Variants in POTEE observed in about 807,000 individuals in gnomAD.
The protein encoded by POTEE is POTE ankyrin domain family member E, also known as ANKRD26-like family C member 1A.
In POTEE, 21 loss-of-function variants were observed where a neutral mutation model predicts 74.2. The ratio of observed to expected loss-of-function variants is 0.28; its 90% CI spans 0.20 to 0.41. POTEE has a LOEUF of 0.41. Ranked by LOEUF, POTEE falls within the 10% of genes least tolerant of loss-of-function variation. The pLI, the probability that POTEE is intolerant of heterozygous loss-of-function variation, is 1.00. For missense variants in POTEE, 525 were observed against 1,158.6 expected, an observed-to-expected ratio of 0.45 and a Z score of 7.94; for synonymous variants, 211 against 432.8, an observed-to-expected ratio of 0.49 and a Z score of 6.36.
At chr2:131,219,901 CA>C (rs1212957981) in intron 4 of POTEE, among the ~76,000 whole-genome samples, 1 of 151,986 alleles carries the variant, frequency 6.6e-6, no homozygotes, top group East Asian at 1.9e-4. Flanking sequence ...TTCCAGATAT[CA>C]AAATGTGCAT....
intron 17 of POTEE, among the ~76,000 whole-genome samples, chr2:131,263,095 TTAAA>T (rs1427232200): frequency 1.3e-5 from 2 of 150,906 alleles, no homozygotes; most frequent in Non-Finnish European, 3.0e-5. Context: ...TTCATCGTCT[TTAAA>T]TAAATATTTA....
At chr2:131,210,948 C>T (rs1254775166) in intron 1 of POTEE, among the ~76,000 whole-genome samples, 80 bp from the exon 2 acceptor site, 2 of 151,288 alleles carry the variant, frequency 1.3e-5, no homozygotes, top group Non-Finnish European at 2.9e-5. Context: ...AGTGCCTTAG[C>T]TGAAGCTGGT....
At chr2:131,221,095 G>A (rs1396626932) in intron 4 of POTEE, among the ~76,000 whole-genome samples, 1 of 152,082 alleles carries the variant, frequency 6.6e-6, no homozygotes, top group East Asian at 1.9e-4. Flanking sequence ...AAACACTTTA[G>A]TGGTAAGAAC....
intron 4 of POTEE, among the ~76,000 whole-genome samples, chr2:131,221,866 T>C (rs1050656832): frequency 2.0e-5 from 3 of 152,264 alleles, no homozygotes; most frequent in Admixed American, 6.5e-5. Flanking sequence ...TTGAAAATAC[T>C]GAACTCCCAA....
intron 9 of POTEE, among the ~76,000 whole-genome samples, chr2:131,236,477 G>C (rs1282640922): frequency 6.6e-6 from 1 of 151,214 alleles, no homozygotes; most frequent in African/African-American, 2.5e-5. Flanking sequence ...TGCTTCTACT[G>C]TATTTTAAAG....
At chr2:131,226,548 C>G (rs1331440369) in intron 6 of POTEE, among the ~76,000 whole-genome samples, 4 of 145,362 alleles carry the variant, frequency 2.8e-5, no homozygotes. Context: ...AACACCATGC[C>G]AAATGCTGGT....
intron 16 of POTEE, among the ~76,000 whole-genome samples, chr2:131,260,691 C>T (rs1171127957): frequency 7.3e-6 from 1 of 137,246 alleles, no homozygotes; most frequent in Non-Finnish European, 1.5e-5. Context: ...TTACTGAATT[C>T]ATGTATCAAA....
chr2:131,215,234 T>C (rs1700423806), intron 2 of POTEE, among the ~76,000 whole-genome samples: 2 of 152,314 alleles, frequency 1.3e-5, no homozygotes, highest in African/African-American at 2.4e-5. Flanking sequence ...ATAATAGATA[T>C]GTTTTTGATT....
intron 9 of POTEE, among the ~76,000 whole-genome samples, chr2:131,231,383 G>T (rs1700950949): frequency 6.6e-6 from 1 of 151,790 alleles, no homozygotes; most frequent in Non-Finnish European, 1.5e-5. Context: ...CTTGCCTGCT[G>T]CTCACCTCCT....
chr2:131,212,222 A>G (rs1350242783), intron 2 of POTEE, among the ~76,000 whole-genome samples: 3 of 152,060 alleles, frequency 2.0e-5, no homozygotes, highest in Non-Finnish European at 4.4e-5. Context: ...CTATGCTTTC[A>G]TGATTGTGTT....
At chr2:131,257,234 T>C (rs1701604812) in intron 16 of POTEE, among the ~76,000 whole-genome samples, 1 of 55,854 alleles carries the variant, frequency 1.8e-5, no homozygotes, top group African/African-American at 7.6e-5. Context: ...ATAGGGTTTT[T>C]ATTGTTCATT....
Position 131,224,033 on chromosome 2 carries a change from C to G in POTEE, c.800C>G (p.Ser267Ter). 1.4e-6 allele frequency: 2 copies of G among 1,398,696 alleles called. No individual in the cohort carries two copies. The highest frequency in any genetic ancestry group is 1.9e-6 in the Non-Finnish European group (2 of 1,044,618). 86.6% of individuals were successfully genotyped at this position (1,398,696 alleles called of 1,614,324 possible). The change falls in exon 6 of 18, where the codon TCA becomes TGA. Residue 267 changes from serine to a stop codon, truncating the protein, a stop_gained. Coordinates refer to ENST00000683005, the MANE Select transcript of POTEE (RefSeq NM_001083538.3). LOFTEE classifies it high-confidence loss of function. The part of the protein sequence containing the change: ...ALLLYGADIE[S>*]KNKHGLTPLL... ...CTCTTATATGGTGCTGATATCGAAT[C>G]AAAAAACAAGGTATAGATCTACCAA...
chr2:131,214,589 A>G (rs1700414781), intron 2 of POTEE, among the ~76,000 whole-genome samples: 2 of 152,062 alleles, frequency 1.3e-5, no homozygotes, highest in Admixed American at 6.5e-5. Flanking sequence ...CTTAAAAGAA[A>G]ATGAAAGCTC....
chr2:131,227,037 G>C (rs1196337175), intron 7 of POTEE, 108 bp downstream of exon 7: 1 of 1,421,674 alleles, frequency 7.0e-7, no homozygotes, highest in African/African-American at 1.5e-5. Flanking sequence ...GTAGTGATCA[G>C]TATCAACACA....
At chr2:131,232,920 A>G (rs1336490769) in intron 9 of POTEE, among the ~76,000 whole-genome samples, 2 of 151,922 alleles carry the variant, frequency 1.3e-5, no homozygotes, top group African/African-American at 4.8e-5. Flanking sequence ...GCTTCCTGTA[A>G]CATTTCACTG....
chr2:131,211,841 C>T (rs1271593304), intron 2 of POTEE, among the ~76,000 whole-genome samples: 1 of 149,778 alleles, frequency 6.7e-6, no homozygotes, highest in African/African-American at 2.5e-5. Flanking sequence ...TAGGCGTGAG[C>T]CACCACTCCC....
rs916070170 is a variant in POTEE, at chr2:131,217,604, T to A, written c.-173T>A. Among the ~76,000 whole-genome samples, 1 of 147,630 alleles carries A rather than the reference T, an allele frequency of 6.8e-6. No homozygotes were observed. Among genetic ancestry groups the A allele is most frequent in the African/African-American group, 2.5e-5 (1 of 40,032 alleles). On this transcript the variant is annotated 5_prime_UTR_variant, in exon 3 of 18. In the 5' UTR this introduces an upstream ATG that the reference lacks. Transcript: ENST00000683005. ...TTTTCACCAGAGGCTTCTCAGTGGC[T>A]TGAAAGCTCAGCTGACTCCCACGAA...
chr2:131,231,387 ACCT>A (rs1700951150), intron 9 of POTEE, among the ~76,000 whole-genome samples: 1 of 151,556 alleles, frequency 6.6e-6, no homozygotes, highest in Non-Finnish European at 1.5e-5. Flanking sequence ...CCTGCTGCTC[ACCT>A]CCTCCTGTGT....
At position 131,218,756 on chromosome 2, in the gene POTEE, C is replaced by A; in HGVS notation, c.354C>A (p.Gly118=). The A allele has an allele frequency of 6.2e-7, 1 of 1,612,894 alleles. No homozygotes were observed. The highest frequency in any genetic ancestry group is 2.2e-5 in the East Asian group (1 of 44,852). ...GGGGGAGCGGCAAGAGCAAGGTGGG[C>A]GCTTGGGGAGACTACGATGACAGCG... is the stretch of plus-strand genomic sequence containing the variant. ...CCRGSGKSKV[G]AWGDYDDSAF... is the part of the protein sequence containing the mutation. The change falls in exon 4 of 18, where the codon GGC becomes GGA. Residue 118 remains glycine, a synonymous_variant. Coordinates refer to ENST00000683005, the MANE Select transcript of POTEE (RefSeq NM_001083538.3).
Sources: allele counts gnomAD v4.1 joint callset (sites outside exome capture counted in the v4.1 genomes callset), GRCh38; gene constraint gnomAD v4.1.1; transcripts MANE v1.5; gene names NCBI Gene and HGNC (gene_info 2026-07-23, HGNC 2026-07-21).